Variants in CD44 observed in about 807,000 individuals in gnomAD.
CD44 encodes the protein CD44 antigen.
In CD44, 49 loss-of-function variants were observed where a neutral mutation model predicts 88.8. The observed-to-expected ratio is 0.55, with a 90% CI of 0.44 to 0.70. The LOEUF (loss-of-function observed/expected upper bound fraction) is 0.70. CD44 is among the 30% of genes least tolerant of loss of function. The pLI is 0.00. For missense variants in CD44, 883 were observed against 913.8 expected, an observed-to-expected ratio of 0.97 and a Z score of 0.43; for synonymous variants, 325 against 312.3, an observed-to-expected ratio of 1.04 and a Z score of -0.43.
At chr11:35,229,016 C>T in intron 17 of CD44, 113 bp from the exon 18 acceptor site, 4 of 903,390 alleles carry the variant, frequency 4.4e-6, no homozygotes, top group Non-Finnish European at 6.9e-6. Context: ...TTGGCACACA[C>T]TAAAGCCATC....
rs569649364 is a variant in CD44, at chr11:35,139,363, G to T, written c.60G>T (p.Ala20=). The change falls in exon 1 of 18, where the codon GCG becomes GCT. Residue 20 remains alanine, a synonymous_variant. Coordinates refer to ENST00000428726, the MANE Select transcript of CD44 (RefSeq NM_000610.4). The part of the protein sequence containing the change: ...WGLCLVPLSL[A]QIDLNITCRF... Reference sequence around the variant, plus strand: ...TCTGCCTCGTGCCGCTGAGCCTGGCGCAGATCGGTGAGTGCCCGCCGCAGC... The same window carrying T: ...TCTGCCTCGTGCCGCTGAGCCTGGCTCAGATCGGTGAGTGCCCGCCGCAGC... The T allele has an allele frequency of 9.6e-5, 150 of 1,558,436 alleles. No individual in the cohort carries two copies. The highest frequency in any genetic ancestry group is 1.0e-4 in the Non-Finnish European group (115 of 1,150,690).
intron 1 of CD44, among the ~76,000 whole-genome samples, chr11:35,175,864 CT>C (rs71457374): frequency 0.071 from 8,779 of 123,046 alleles, 240 homozygotes; most frequent in South Asian, 0.19. Flanking sequence ...TTTGTTTGTT[CT>C]TTTTTTTTTT....
chr11:35,219,831 T>C (rs1228058152), intron 16 of CD44, among the ~76,000 whole-genome samples: 1 of 151,946 alleles, frequency 6.6e-6, no homozygotes, highest in African/African-American at 2.4e-5. Context: ...TTATGTTAGA[T>C]GGAGTGAAAA....
At chr11:35,166,006 G>A (rs989769992) in intron 1 of CD44, among the ~76,000 whole-genome samples, 4 of 152,158 alleles carry the variant, frequency 2.6e-5, no homozygotes, top group Middle Eastern at 3.4e-3. Context: ...TATTGATTAG[G>A]TGATGTATCA....
At chr11:35,220,050 G>A (rs1053130066) in intron 16 of CD44, among the ~76,000 whole-genome samples, 1 of 152,306 alleles carries the variant, frequency 6.6e-6, no homozygotes, top group South Asian at 2.1e-4. Flanking sequence ...AAAGGGAAGG[G>A]TTCTCCTAAG....
At chr11:35,208,958 T>G (rs917646368) in intron 12 of CD44, among the ~76,000 whole-genome samples, 1 of 152,158 alleles carries the variant, frequency 6.6e-6, no homozygotes, top group Non-Finnish European at 1.5e-5. Context: ...TCAGCAAGCA[T>G]GTATTGATGG....
At chr11:35,222,755 A>G in intron 17 of CD44, 2 of 980,840 alleles carry the variant, frequency 2.0e-6, no homozygotes, top group Non-Finnish European at 2.4e-6. Flanking sequence ...ATTTTTCTCC[A>G]GGACGTAATT....
At chr11:35,219,744 A>T (rs1399784080) in intron 16 of CD44, among the ~76,000 whole-genome samples, 1 of 152,098 alleles carries the variant, frequency 6.6e-6, no homozygotes, top group Non-Finnish European at 1.5e-5. Context: ...TCCAATTTCC[A>T]CTTATTTCTG....
At chr11:35,195,454 CAA>C (rs917496676) in intron 5 of CD44, among the ~76,000 whole-genome samples, 2 of 151,982 alleles carry the variant, frequency 1.3e-5, no homozygotes, top group African/African-American at 2.4e-5. Context: ...AGAATAAAGA[CAA>C]TGCTATTTTT....
intron 1 of CD44, among the ~76,000 whole-genome samples, chr11:35,170,059 C>T (rs1286422004): frequency 6.6e-6 from 1 of 152,170 alleles, no homozygotes; most frequent in East Asian, 1.9e-4. Context: ...GTGTGCAATG[C>T]TCATTGGCTC....
intron 17 of CD44, chr11:35,223,465 C>A: frequency 5.4e-6 from 1 of 184,186 alleles, no homozygotes; most frequent in Non-Finnish European, 1.0e-5. Context: ...AGAAGCATCT[C>A]AGCTGTCCCT....
intron 9 of CD44, among the ~76,000 whole-genome samples, chr11:35,202,101 G>A (rs916425696): frequency 6.6e-6 from 1 of 152,184 alleles, no homozygotes; most frequent in African/African-American, 2.4e-5. Context: ...GGCAAAGAGT[G>A]TGTTCTTTTG....
chr11:35,168,515 T>C (rs954681115), intron 1 of CD44, among the ~76,000 whole-genome samples: 4 of 152,226 alleles, frequency 2.6e-5, no homozygotes, highest in African/African-American at 7.2e-5. Context: ...ACTGTGGTTA[T>C]GGACCAGGAG....
chr11:35,220,232 G>T (rs1949181072), intron 16 of CD44, among the ~76,000 whole-genome samples: 1 of 152,160 alleles, frequency 6.6e-6, no homozygotes, highest in Admixed American at 6.6e-5. Context: ...GGAGAGCACA[G>T]GGGAAGCCTT....
chr11:35,222,366 G>A (rs974616603), intron 17 of CD44: 2 of 1,258,278 alleles, frequency 1.6e-6, no homozygotes, highest in Non-Finnish European at 2.1e-6. Context: ...TATTTTCTGG[G>A]AACTGTAGTT....
chr11:35,194,991 C>T (rs752042569), intron 5 of CD44, among the ~76,000 whole-genome samples: 10 of 152,288 alleles, frequency 6.6e-5, no homozygotes, highest in Non-Finnish European at 1.2e-4. Flanking sequence ...AAAGTGTAGG[C>T]CCTGAACCCT....
intron 1 of CD44, among the ~76,000 whole-genome samples, chr11:35,152,867 TA>T (rs1271273056): frequency 1.3e-5 from 2 of 152,162 alleles, no homozygotes; most frequent in African/African-American, 4.8e-5. Flanking sequence ...AATAAAGGGC[TA>T]GAGGTGGGAA....
intron 5 of CD44, chr11:35,190,457 G>A: frequency 4.4e-6 from 1 of 227,452 alleles, no homozygotes; most frequent in Non-Finnish European, 8.7e-6. Context: ...TCATAAAGTT[G>A]GGATCATAGA....
At position 35,190,087 on chromosome 11, in the gene CD44, G is replaced by T. The variant is rs754638180; in HGVS notation, c.667+22G>T. On this transcript the variant is annotated intron_variant, in intron 5 of 17. Coordinates refer to ENST00000428726, the MANE Select transcript of CD44 (RefSeq NM_000610.4). ...ACCAGTAAGGAGAATAAATCACTGTGCTTCCCAATAGCAATTCCCTGGCAA... is the reference window on the plus strand; with the variant it reads ...ACCAGTAAGGAGAATAAATCACTGTTCTTCCCAATAGCAATTCCCTGGCAA... 7 of 1,593,602 alleles carry T rather than the reference G, an allele frequency of 4.4e-6. No homozygotes were observed. In the East Asian group the frequency reaches 1.3e-4, roughly 30 times the overall value.
Sources: allele counts gnomAD v4.1 joint callset (sites outside exome capture counted in the v4.1 genomes callset), GRCh38; gene constraint gnomAD v4.1.1; transcripts MANE v1.5; gene names NCBI Gene and HGNC (gene_info 2026-07-23, HGNC 2026-07-21).